Variants in RTN4R observed in about 807,000 individuals in gnomAD.
RTN4R encodes reticulon-4 receptor.
Under a neutral mutation model 27.7 loss-of-function variants are expected in RTN4R, and 4 were observed. The observed-to-expected ratio is 0.14, with a 90% CI of 0.07 to 0.33. The LOEUF is 0.33. Among genes scored for constraint, RTN4R ranks in the 10% least tolerant of loss-of-function variants. The pLI is 1.00. For missense variants in RTN4R, 554 were observed against 671.5 expected, an observed-to-expected ratio of 0.83 and a Z score of 1.93; for synonymous variants, 290 against 305.6, an observed-to-expected ratio of 0.95 and a Z score of 0.53.
chr22:20,247,532 G>A (rs1035527511), intron 1 of RTN4R, among the ~76,000 whole-genome samples: 11 of 124,370 alleles, frequency 8.8e-5, no homozygotes, highest in African/African-American at 2.9e-4. Context: ...ACACCCACCC[G>A]CCATCCATCC....
chr22:20,254,342 T>C (rs1015775058), intron 1 of RTN4R, among the ~76,000 whole-genome samples: 2 of 151,302 alleles, frequency 1.3e-5, no homozygotes, highest in South Asian at 2.1e-4. Flanking sequence ...GGTGGAAGGA[T>C]TGCTTGAGCC....
chr22:20,241,904 G>T lies in RTN4R; in HGVS notation c.1229C>A (p.Thr410Asn). ...PEGSEPPGFP[T>N]SGPRRRPGCS... ...GCCTGGCCTCCGGCGAGGGCCCGAG[G>T]TGGGGAACCCTGGTGGCTCGGAGCC... The change falls in exon 2 of 2, where the codon ACC becomes AAC. Residue 410 changes from threonine to asparagine, a missense_variant. By Grantham distance (65) the Thr-to-Asn change is moderately conservative. Transcript: ENST00000043402. 6.2e-7 allele frequency: 1 copy of T among 1,606,054 alleles called. No individual in the cohort carries two copies. Among genetic ancestry groups the T allele is most frequent in the Non-Finnish European group, 8.5e-7 (1 of 1,176,830 alleles).
intron 1 of RTN4R, among the ~76,000 whole-genome samples, chr22:20,251,378 C>G (rs1026731227): frequency 1.3e-5 from 2 of 152,068 alleles, no homozygotes; most frequent in African/African-American, 4.8e-5. Context: ...AACAGGATGC[C>G]CTGGACCACC....
At chr22:20,245,715 A>C (rs1054858019) in intron 1 of RTN4R, among the ~76,000 whole-genome samples, 1 of 152,144 alleles carries the variant, frequency 6.6e-6, no homozygotes, top group Admixed American at 6.5e-5. Context: ...CAACTCTAAT[A>C]GGATGCTCTA....
intron 1 of RTN4R, 98 bp downstream of exon 1, chr22:20,267,973 G>GA (rs913288528): frequency 4.4e-6 from 3 of 688,578 alleles, no homozygotes; most frequent in Non-Finnish European, 5.8e-6. Flanking sequence ...CCCTCGCCTC[G>GA]GCAGCCCGGG....
At chr22:20,243,233 A>G (rs895448015) in intron 1 of RTN4R, 123 bp from the exon 2 acceptor site, 2 of 915,596 alleles carry the variant, frequency 2.2e-6, no homozygotes, top group African/African-American at 3.3e-5. Flanking sequence ...TGGGTCCAAG[A>G]TGTGGCCACC....
intron 1 of RTN4R, among the ~76,000 whole-genome samples, chr22:20,248,179 A>G (rs1602640943): frequency 1.3e-5 from 2 of 152,222 alleles, no homozygotes; most frequent in South Asian, 4.1e-4. Context: ...ATCCAACCAT[A>G]TGCTACTTAC....
intron 1 of RTN4R, 149 bp downstream of exon 1, chr22:20,267,922 C>T (rs2051289020): frequency 2.6e-6 from 1 of 391,434 alleles, no homozygotes; most frequent in Non-Finnish European, 4.2e-6. Context: ...CCCAGCCTGG[C>T]GCGGCACTGC....
intron 1 of RTN4R, among the ~76,000 whole-genome samples, chr22:20,246,222 C>G (rs976477943): frequency 6.6e-6 from 1 of 152,170 alleles, no homozygotes; most frequent in Admixed American, 6.5e-5. Context: ...GCTTTCCCAG[C>G]GGGGACAGTG....
rs193080272 is a variant in RTN4R, at chr22:20,243,369, C to T, written c.23-259G>A. On this transcript the variant is annotated intron_variant, in intron 1 of 1. Transcript: ENST00000043402. ...ACATCTGCAGACTCCCCATACCACA[C>T]CCAGGAGCAGCCCACTGGGTCACCA... 1.2e-3 allele frequency: 827 copies of T among 695,820 alleles called. 8 individuals are homozygous for T. The African/African-American group carries it at 0.012, about 10-fold the overall frequency. 43.1% of individuals were successfully genotyped at this position (695,820 alleles called of 1,614,324 possible). A position where few individuals can be genotyped will look rare whatever the true frequency, so the allele number is the denominator to read the frequency against.
chr22:20,261,547 C>T (rs1258838569), intron 1 of RTN4R, among the ~76,000 whole-genome samples: 2 of 152,188 alleles, frequency 1.3e-5, no homozygotes, highest in African/African-American at 4.8e-5. Context: ...GGTGGCTCCC[C>T]GGGGGAAACA....
rs2051106270 is a variant in RTN4R at position 20,241,649 on chromosome 22, GGA to G, written c.*60_*61del. 45 of 1,535,712 alleles carry G rather than the reference GGA, an allele frequency of 2.9e-5. No individual in the cohort carries two copies. The highest frequency in any genetic ancestry group is 4.0e-5 in the Non-Finnish European group (45 of 1,136,446). On this transcript the variant is annotated 3_prime_UTR_variant, in exon 2 of 2. Coordinates refer to ENST00000043402, the MANE Select transcript of RTN4R (RefSeq NM_023004.6). The stretch of plus-strand genomic sequence containing the variant: ...GGCCGCCCGGCTGGCTTGGCGGCGT[GGA>G]GAGAGACCCCGTATGTACACACACC...
intron 1 of RTN4R, among the ~76,000 whole-genome samples, chr22:20,259,484 C>G (rs781141319): frequency 8.5e-5 from 13 of 152,156 alleles, no homozygotes; most frequent in Non-Finnish European, 1.0e-4. Context: ...AGCACCAGAG[C>G]TGCAGGCAGC....
At chr22:20,262,461 A>G (rs1479949584) in intron 1 of RTN4R, among the ~76,000 whole-genome samples, 1 of 152,152 alleles carries the variant, frequency 6.6e-6, no homozygotes, top group Non-Finnish European at 1.5e-5. Context: ...GGGGACATGT[A>G]ACTGGGGACT....
chr22:20,242,194 G>A lies in RTN4R; in HGVS notation c.939C>T (p.Thr313=), dbSNP rs763674410. 4.7e-5 allele frequency: 76 copies of A among 1,609,846 alleles called. No homozygotes were observed. In the South Asian group the frequency reaches 5.2e-4, roughly 11 times the overall value. Residue 313 remains threonine (T), a synonymous_variant, in exon 2 of 2, where the codon ACC becomes ACT. Transcript: ENST00000043402. The part of the protein sequence containing the change: ...ANDLQGCAVA[T]GPYHPIWTGR... ...CGGTCCAGATGGGATGGTAAGGGCC[G>A]GTGGCCACAGCGCAGCCCTGCAGGT...
chr22:20,256,705 C>A (rs2051213972), intron 1 of RTN4R, among the ~76,000 whole-genome samples: 1 of 152,252 alleles, frequency 6.6e-6, no homozygotes, highest in South Asian at 2.1e-4. Flanking sequence ...CCCCGTCCCG[C>A]TCACTCCTCC....
At chr22:20,260,107 C>T (rs1359613812) in intron 1 of RTN4R, among the ~76,000 whole-genome samples, 1 of 152,126 alleles carries the variant, frequency 6.6e-6, no homozygotes, top group Non-Finnish European at 1.5e-5. Context: ...GTCCACAGTC[C>T]CCCATGGCCC....
At position 20,268,199 on chromosome 22, in the gene RTN4R, C is replaced by T. The variant is rs552531059; in HGVS notation, c.-107G>A. 148 of 376,192 alleles carry T rather than the reference C, an allele frequency of 3.9e-4. No individual in the cohort carries two copies. The highest frequency in any genetic ancestry group is 4.9e-4 in the Non-Finnish European group (130 of 263,638). 23.3% of individuals were successfully genotyped at this position (376,192 alleles called of 1,614,324 possible). ...CAGGCGCCGCCGCTACGGCCCGGCC[C>T]CGGCCCGGCCGCGGGACGAGGCTCG... On this transcript the variant is annotated 5_prime_UTR_variant, in exon 1 of 2. Transcript: ENST00000043402.
chr22:20,267,420 A>G (rs1441987904), intron 1 of RTN4R, among the ~76,000 whole-genome samples: 6 of 152,260 alleles, frequency 3.9e-5, no homozygotes, highest in South Asian at 2.1e-4. Flanking sequence ...GAGGGCTGCT[A>G]GGGAGGGGTT....
Sources: gnomAD v4.1 joint callset for allele counts (sites outside exome capture counted in the v4.1 genomes callset) on GRCh38, gnomAD v4.1.1 for gene constraint, MANE v1.5 for transcripts, NCBI Gene and HGNC (gene_info 2026-07-23, HGNC 2026-07-21) for gene names.